SAMSN1: variants seen among roughly 807,000 people sequenced by gnomAD.
SAMSN1 encodes SAM domain-containing protein SAMSN-1.
Under a neutral mutation model 42.0 loss-of-function variants are expected in SAMSN1, and 31 were observed. The observed-to-expected ratio is 0.74, with a 90% CI of 0.55 to 1.00. The LOEUF (loss-of-function observed/expected upper bound fraction) is 1.00. SAMSN1 is among the 50% of genes least tolerant of loss of function. The probability of loss-of-function intolerance (pLI) is 0.00; values close to 1 mark genes in which losing one functional copy is unlikely to be tolerated. For synonymous variants in SAMSN1, 178 were observed against 151.9 expected (o/e 1.17, Z -1.26); for missense variants, 464 against 439.4 (o/e 1.06, Z -0.50).
At chr21:14,579,897 A>G (rs1981648716) in intron 2 of SAMSN1, among the ~76,000 whole-genome samples, 2 of 152,208 alleles carry the variant, frequency 1.3e-5, no homozygotes, top group South Asian at 4.1e-4. Context: ...CAAGTGGAGT[A>G]TGGTTAAGTT....
At chr21:14,553,075 T>C (rs1477922744) in intron 2 of SAMSN1, among the ~76,000 whole-genome samples, 1 of 152,078 alleles carries the variant, frequency 6.6e-6, no homozygotes, top group Non-Finnish European at 1.5e-5. Flanking sequence ...GTTGGTTAGA[T>C]TTATTTTTCT....
At chr21:14,642,294 A>G (rs1468059108) in intron 2 of SAMSN1, among the ~76,000 whole-genome samples, 1 of 152,230 alleles carries the variant, frequency 6.6e-6, no homozygotes, top group Non-Finnish European at 1.5e-5. Context: ...TGTATAATGC[A>G]GAGAACTCTA....
At chr21:14,631,961 G>T (rs1983341883) in intron 2 of SAMSN1, among the ~76,000 whole-genome samples, 1 of 152,064 alleles carries the variant, frequency 6.6e-6, no homozygotes, top group African/African-American at 2.4e-5. Flanking sequence ...AAGGAAGGAA[G>T]GAAGGAAGGG....
At chr21:14,536,175 AT>A (rs1979602208) in intron 1 of SAMSN1, among the ~76,000 whole-genome samples, 2 of 152,320 alleles carry the variant, frequency 1.3e-5, no homozygotes, top group African/African-American at 4.8e-5. Flanking sequence ...TTTGGTAATG[AT>A]AAATTTGGAA....
chr21:14,651,932 T>A (rs1983843885), intron 1 of SAMSN1, among the ~76,000 whole-genome samples: 1 of 151,918 alleles, frequency 6.6e-6, no homozygotes, highest in South Asian at 2.1e-4. Context: ...TAGCCACACA[T>A]AAAATTAAAT....
intron 2 of SAMSN1, among the ~76,000 whole-genome samples, chr21:14,573,040 G>A (rs1171488511): frequency 5.9e-5 from 9 of 152,100 alleles, no homozygotes; most frequent in Non-Finnish European, 1.3e-4. Context: ...CTGAAATAAA[G>A]TCAAGTGCTA....
chr21:14,587,763 A>G (rs9977273), upstream of SAMSN1, among the ~76,000 whole-genome samples: 1 of 150,504 alleles, frequency 6.6e-6, no homozygotes, highest in South Asian at 2.1e-4. Context: ...TTATTTATTT[A>G]TTTTTTAAAT....
At chr21:14,644,923 G>A (rs1490612408) in intron 1 of SAMSN1, among the ~76,000 whole-genome samples, 1 of 152,168 alleles carries the variant, frequency 6.6e-6, no homozygotes, top group East Asian at 1.9e-4. Flanking sequence ...TACAGAGTGA[G>A]GCTCCTCTGT....
At chr21:14,580,181 T>A (rs1981656577) in intron 2 of SAMSN1, among the ~76,000 whole-genome samples, 1 of 152,186 alleles carries the variant, frequency 6.6e-6, no homozygotes, top group Non-Finnish European at 1.5e-5. Flanking sequence ...GCAGAGGCCA[T>A]CACACTGTCA....
intron 1 of SAMSN1, among the ~76,000 whole-genome samples, chr21:14,545,404 G>T (rs1184392702): frequency 1.3e-5 from 2 of 152,016 alleles, no homozygotes; most frequent in Non-Finnish European, 2.9e-5. Flanking sequence ...ACTAAAAATT[G>T]TATTTACCTG....
At chr21:14,600,316 C>T (rs1982396608) in intron 6 of SAMSN1, among the ~76,000 whole-genome samples, 2 of 152,186 alleles carry the variant, frequency 1.3e-5, no homozygotes. Context: ...TTTTGCATAA[C>T]ACTCTTTGTT....
At chr21:14,626,589 A>T (rs1377983657) in intron 2 of SAMSN1, among the ~76,000 whole-genome samples, 2 of 152,232 alleles carry the variant, frequency 1.3e-5, no homozygotes, top group Non-Finnish European at 2.9e-5. Context: ...ACCATCTCAC[A>T]CCAGTTAGAA....
intron 5 of SAMSN1, among the ~76,000 whole-genome samples, chr21:14,508,366 A>AC (rs1987518243): frequency 6.6e-6 from 1 of 152,134 alleles, no homozygotes; most frequent in Admixed American, 6.5e-5. Flanking sequence ...AGAAAAAAAA[A>AC]CAAACAATCC....
At position 14,657,976 on chromosome 21, in the gene SAMSN1, C is replaced by T. The variant is rs189847809; in HGVS notation, c.24+772G>A. Among the ~76,000 whole-genome samples, 141 of 151,826 alleles carry T rather than the reference C, an allele frequency of 9.3e-4. 1 individual carries two copies. Among genetic ancestry groups the T allele is most frequent in the African/African-American group, 3.2e-3 (133 of 41,476 alleles). On this transcript the variant is annotated intron_variant, in intron 1 of 15. Transcript: ENST00000647101. Reference sequence around the variant, plus strand: ...ATCAGAACTAGGCCATCTTACTTTCCCAAATGAGAGGGATCTCCCATCGAC... The same window carrying T: ...ATCAGAACTAGGCCATCTTACTTTCTCAAATGAGAGGGATCTCCCATCGAC...
intron 7 of SAMSN1, among the ~76,000 whole-genome samples, chr21:14,496,720 G>A (rs966075450): frequency 2.0e-5 from 3 of 152,226 alleles, no homozygotes; most frequent in African/African-American, 7.2e-5. Flanking sequence ...CTGCCTCTGT[G>A]ACCACATCTC....
chr21:14,622,696 G>T (rs910822907), intron 2 of SAMSN1, among the ~76,000 whole-genome samples: 4 of 152,190 alleles, frequency 2.6e-5, no homozygotes, highest in African/African-American at 9.7e-5. Context: ...AAAACACTCT[G>T]CAGGATATTA....
At chr21:14,647,115 A>G (rs1209138697) in intron 1 of SAMSN1, among the ~76,000 whole-genome samples, 1 of 152,200 alleles carries the variant, frequency 6.6e-6, no homozygotes, top group East Asian at 1.9e-4. Context: ...CAATCAAAAG[A>G]CATAGACTGG....
At chr21:14,649,286 G>A (rs879378807) in intron 1 of SAMSN1, among the ~76,000 whole-genome samples, 5 of 129,340 alleles carry the variant, frequency 3.9e-5, no homozygotes, top group South Asian at 6.3e-4. Context: ...GTGGGGGGAG[G>A]GGGGGAGGGA....
intron 1 of SAMSN1, among the ~76,000 whole-genome samples, chr21:14,536,501 C>T (rs897026593): frequency 6.6e-6 from 1 of 152,192 alleles, no homozygotes; most frequent in African/African-American, 2.4e-5. Flanking sequence ...ATAGCTAATA[C>T]ATTTGGCCCC....
Sources: gnomAD v4.1 joint callset for allele counts (sites outside exome capture counted in the v4.1 genomes callset) on GRCh38, gnomAD v4.1.1 for gene constraint, MANE v1.5 for transcripts, NCBI Gene and HGNC (gene_info 2026-07-23, HGNC 2026-07-21) for gene names.